CDC42BPB: variants seen among roughly 807,000 people sequenced by gnomAD.
CDC42BPB encodes the protein serine/threonine-protein kinase MRCK beta.
In CDC42BPB, 37 loss-of-function variants were observed where a neutral mutation model predicts 214.9. The observed-to-expected ratio is 0.17, with a 90% CI of 0.13 to 0.23. The LOEUF is 0.23. Ranked by LOEUF, CDC42BPB falls within the 10% of genes least tolerant of loss-of-function variation. The pLI is 1.00. For synonymous variants in CDC42BPB, 931 were observed against 884.0 expected (o/e 1.05, Z -0.94); for missense variants, 1,694 against 2,227.0 (o/e 0.76, Z 4.82).
At chr14:102,976,555 C>T (rs770083752) in intron 9 of CDC42BPB, among the ~76,000 whole-genome samples, 3 of 152,260 alleles carry the variant, frequency 2.0e-5, no homozygotes, top group Non-Finnish European at 4.4e-5. Flanking sequence ...CACTCGATGA[C>T]GCACACAGCC....
Position 103,057,249 on chromosome 14 carries a change from G to A in CDC42BPB, c.-76C>T. On this transcript the variant is annotated 5_prime_UTR_variant, in exon 1 of 37. Coordinates refer to ENST00000361246, the MANE Select transcript of CDC42BPB (RefSeq NM_006035.4). The stretch of plus-strand genomic sequence containing the variant: ...CCAGTCCGTCAGGGCGCGCCCTCGG[G>A]GGCTCGGCGGCTGCGAGCCCCGGCA... The A allele has an allele frequency of 8.4e-7, 1 of 1,196,944 alleles. No homozygotes were observed. The highest frequency in any genetic ancestry group is 1.6e-5 in the African/African-American group (1 of 62,584). 74.1% of individuals were successfully genotyped at this position (1,196,944 alleles called of 1,614,324 possible). A position where few individuals can be genotyped will look rare whatever the true frequency, so the allele number is the denominator to read the frequency against.
intron 1 of CDC42BPB, among the ~76,000 whole-genome samples, chr14:103,033,753 C>T (rs1255597805): frequency 6.6e-6 from 1 of 152,164 alleles, no homozygotes; most frequent in Non-Finnish European, 1.5e-5. Context: ...GGGATACCAG[C>T]TAGAAGTTTC....
intron 30 of CDC42BPB, chr14:102,940,819 C>T: frequency 4.6e-6 from 1 of 215,740 alleles, no homozygotes; most frequent in Non-Finnish European, 9.4e-6. Flanking sequence ...GCCCTCCACA[C>T]TAATGACCCT....
intron 1 of CDC42BPB, among the ~76,000 whole-genome samples, chr14:103,030,120 T>C (rs1887281689): frequency 6.6e-6 from 1 of 152,076 alleles, no homozygotes; most frequent in South Asian, 2.1e-4. Flanking sequence ...CTTTCCTTCC[T>C]GAACAGAGGA....
chr14:102,960,647 G>A (rs1038287802), intron 20 of CDC42BPB, among the ~76,000 whole-genome samples: 4 of 152,040 alleles, frequency 2.6e-5, no homozygotes, highest in Non-Finnish European at 4.4e-5. Context: ...CAAGAATCAA[G>A]TGGTTCTTCC....
At chr14:103,025,371 T>C (rs577626064) in intron 1 of CDC42BPB, among the ~76,000 whole-genome samples, 3 of 152,124 alleles carry the variant, frequency 2.0e-5, no homozygotes, top group East Asian at 3.9e-4. Context: ...TGAGCAGGTA[T>C]GTCTACCAAA....
Position 103,004,193 on chromosome 14 carries a change from T to C in CDC42BPB, c.352-170A>G. 4 of 1,354,500 alleles carry C rather than the reference T, an allele frequency of 3.0e-6. No homozygotes were observed. The highest frequency in any genetic ancestry group is 3.8e-6 in the Non-Finnish European group (4 of 1,050,466). The allele number at this position is 1,354,500 out of a possible 1,614,324, so 83.9% of individuals were successfully genotyped here. On this transcript the variant is annotated intron_variant, in intron 3 of 36. Coordinates refer to ENST00000361246, the MANE Select transcript of CDC42BPB (RefSeq NM_006035.4). The surrounding 1 kb of genome is among the most constrained non-coding windows in gnomAD (Gnocchi z 5.3). Reference sequence around the variant, plus strand: ...GCTGCTGAGGCTGAGCCATCCCTCATCCCTTCCTCTCCCAAGCCCCGTGCA... The same window carrying C: ...GCTGCTGAGGCTGAGCCATCCCTCACCCCTTCCTCTCCCAAGCCCCGTGCA...
chr14:103,004,705 T>C lies in CDC42BPB; in HGVS notation c.352-682A>G, dbSNP rs1228914423. 6.6e-6 allele frequency among the ~76,000 whole-genome samples: 1 copy of C among 151,918 alleles called. No individual in the cohort carries two copies. The highest frequency in any genetic ancestry group is 1.5e-5 in the Non-Finnish European group (1 of 67,968). ...CAACATGATGAAACCCTGTCTCTAC[T>C]AAAAACTAGAAAAACTAGCCAGGTG... On this transcript the variant is annotated intron_variant, in intron 3 of 36. Coordinates refer to ENST00000361246, the MANE Select transcript of CDC42BPB (RefSeq NM_006035.4). The surrounding 1 kb of genome is among the most constrained non-coding windows in gnomAD (Gnocchi z 5.3).
chr14:103,044,572 A>T lies in CDC42BPB; in HGVS notation c.175+12427T>A, dbSNP rs187512378. Among the ~76,000 whole-genome samples, 81 of 151,828 alleles carry T rather than the reference A, an allele frequency of 5.3e-4. 1 individual carries two copies. The East Asian group carries it at 1.0e-2, about 19-fold the overall frequency. The stretch of plus-strand genomic sequence containing the variant: ...TTTTAGTAGAGATGGGGTTTCACCA[A>T]CTTGGCCAGGATGGTCTCGATCTCC... On this transcript the variant is annotated intron_variant, in intron 1 of 36. Transcript: ENST00000361246.
At chr14:102,978,317 C>T (rs1460824058) in intron 8 of CDC42BPB, 112 bp from the exon 9 acceptor site, 4 of 1,532,960 alleles carry the variant, frequency 2.6e-6, no homozygotes, top group African/African-American at 1.4e-5. Context: ...AACATGTGGC[C>T]TTGGAGAATG....
rs1361573767 is a variant in CDC42BPB at position 103,001,448 on chromosome 14, G to A, written c.448-1735C>T. 1.3e-5 allele frequency among the ~76,000 whole-genome samples: 2 copies of A among 152,184 alleles called. No individual in the cohort carries two copies. Among genetic ancestry groups the A allele is most frequent in the African/African-American group, 4.8e-5 (2 of 41,444 alleles). The stretch of plus-strand genomic sequence containing the variant: ...CAGAGGTTGCCAAGCAGAGGCCTGA[G>A]GGGAGCCGCGGTCGTGCTCCAGATG... On this transcript the variant is annotated intron_variant, in intron 4 of 36. Transcript: ENST00000361246. This position sits in a 1 kb window ranked among gnomAD's most constrained non-coding sequence, Gnocchi z 5.8.
intron 18 of CDC42BPB, 38 bp from the exon 19 acceptor site, chr14:102,964,688 G>A (rs1346330952): frequency 6.4e-7 from 1 of 1,565,276 alleles, no homozygotes; most frequent in East Asian, 2.3e-5. Flanking sequence ...TGCATTTTCA[G>A]TTATCCGCTT....
At chr14:102,982,045 G>T (rs566939716) in intron 7 of CDC42BPB, among the ~76,000 whole-genome samples, 29 of 152,284 alleles carry the variant, frequency 1.9e-4, no homozygotes, top group Admixed American at 1.6e-3. Flanking sequence ...TGACCCAAGA[G>T]CCCACAGGTG....
chr14:102,949,331 G>A (rs377332472), intron 26 of CDC42BPB, among the ~76,000 whole-genome samples: 1 of 152,228 alleles, frequency 6.6e-6, no homozygotes, highest in African/African-American at 2.4e-5. Flanking sequence ...CAAACGCTAC[G>A]GCCACGCACA....
chr14:102,974,200 G>A (rs1412780099), intron 11 of CDC42BPB, 51 bp from the exon 12 acceptor site: 10 of 1,570,156 alleles, frequency 6.4e-6, no homozygotes, highest in Non-Finnish European at 8.6e-6. Context: ...ATGACTATAT[G>A]TAAACTTTAT....
intron 29 of CDC42BPB, chr14:102,945,107 G>A (rs35410481): frequency 5.6e-5 from 21 of 373,212 alleles, no homozygotes; most frequent in East Asian, 4.7e-4. Flanking sequence ...CGGCTGCCCC[G>A]CCCTTCTCGC....
At chr14:103,024,660 T>G (rs1003984847) in intron 1 of CDC42BPB, among the ~76,000 whole-genome samples, 1 of 152,244 alleles carries the variant, frequency 6.6e-6, no homozygotes, top group Non-Finnish European at 1.5e-5. Context: ...ACTTTCAATT[T>G]GCTTTTTATT....
Position 103,001,754 on chromosome 14 carries a change from C to T in CDC42BPB, c.448-2041G>A, listed in dbSNP as rs1239652377. 6.6e-6 allele frequency among the ~76,000 whole-genome samples: 1 copy of T among 152,176 alleles called. No homozygotes were observed. Among genetic ancestry groups the T allele is most frequent in the Non-Finnish European group, 1.5e-5 (1 of 68,020 alleles). On this transcript the variant is annotated intron_variant, in intron 4 of 36. Coordinates refer to ENST00000361246, the MANE Select transcript of CDC42BPB (RefSeq NM_006035.4). The surrounding 1 kb of genome is among the most constrained non-coding windows in gnomAD (Gnocchi z 5.8). ...CAGGGGAGATGCGGTGAACGAACGG[C>T]CAGGCCCTCGGGCCCCTAAGGAAGG...
chr14:102,980,169 T>C (rs926163134), intron 8 of CDC42BPB, among the ~76,000 whole-genome samples: 4 of 152,228 alleles, frequency 2.6e-5, no homozygotes, highest in Admixed American at 6.5e-5. Flanking sequence ...AGTGAAGCTC[T>C]AATACAATGA....
Sources: allele counts gnomAD v4.1 joint callset (sites outside exome capture counted in the v4.1 genomes callset), GRCh38; gene constraint gnomAD v4.1.1; non-coding constraint Gnocchi (gnomAD v3.1); transcripts MANE v1.5; gene names NCBI Gene and HGNC (gene_info 2026-07-23, HGNC 2026-07-21).